LRP1B: variants seen among roughly 807,000 people sequenced by gnomAD.
LRP1B encodes low-density lipoprotein receptor-related protein 1B.
Under a neutral mutation model 556.6 loss-of-function variants are expected in LRP1B, and 217 were observed. That is an observed-to-expected ratio of 0.39 (90% CI 0.35 to 0.44). The LOEUF is 0.44. Among genes scored for constraint, LRP1B ranks in the 20% least tolerant of loss-of-function variants. The pLI, the probability that LRP1B is intolerant of heterozygous loss-of-function variation, is 1.00. For synonymous variants in LRP1B, 2,047 were observed against 1,865.8 expected, an observed-to-expected ratio of 1.10 and a Z score of -2.50; for missense variants, 5,053 against 5,620.8, an observed-to-expected ratio of 0.90 and a Z score of 3.23.
intron 2 of LRP1B, among the ~76,000 whole-genome samples, chr2:141,683,805 C>CCACAA (rs544187440): frequency 2.3e-4 from 35 of 152,168 alleles, no homozygotes; most frequent in Admixed American, 1.6e-3. Flanking sequence ...AGATGTGGTT[C>CCACAA]CACAACCTTT....
chr2:140,395,019 T>G (rs1200337751), intron 66 of LRP1B, among the ~76,000 whole-genome samples: 1 of 152,190 alleles, frequency 6.6e-6, no homozygotes, highest in Non-Finnish European at 1.5e-5. Context: ...ATCTACTCTA[T>G]CCACTCCTTG....
chr2:140,356,511 T>G lies in LRP1B; in HGVS notation c.11396-35A>C, dbSNP rs964507944. ...AAAAATATGATCAAAACTAATATAA[T>G]TCTAATTCCTGAAGTGGGGAGTTAA... is the stretch of plus-strand genomic sequence containing the variant. On this transcript the variant is annotated intron_variant, in intron 74 of 90. Coordinates refer to ENST00000389484, the MANE Select transcript of LRP1B (RefSeq NM_018557.3). 2.0e-6 allele frequency: 3 copies of G among 1,471,612 alleles called. No individual in the cohort carries two copies. In the Admixed American group the frequency reaches 5.9e-5, roughly 29 times the overall value. 91.2% of individuals were successfully genotyped at this position (1,471,612 alleles called of 1,614,324 possible). A position where few individuals can be genotyped will look rare whatever the true frequency, so the allele number is the denominator to read the frequency against.
At chr2:141,981,074 C>T (rs150901011) in intron 1 of LRP1B, among the ~76,000 whole-genome samples, 16 of 152,182 alleles carry the variant, frequency 1.1e-4, no homozygotes, top group Non-Finnish European at 1.3e-4. Flanking sequence ...TTAACAACTG[C>T]GTGACCTTAA....
At chr2:140,866,545 T>C (rs141064168) in intron 27 of LRP1B, among the ~76,000 whole-genome samples, 1 of 151,902 alleles carries the variant, frequency 6.6e-6, no homozygotes, top group African/African-American at 2.4e-5. Flanking sequence ...GTATAGAAAC[T>C]CCCATGTAGC....
chr2:141,566,751 C>T (rs1288614027), intron 2 of LRP1B, among the ~76,000 whole-genome samples: 2 of 152,164 alleles, frequency 1.3e-5, no homozygotes, highest in East Asian at 3.9e-4. Context: ...TCCAGTTACC[C>T]TGGAGGCTGA....
At chr2:140,487,519 T>A in intron 58 of LRP1B, 98 bp downstream of exon 58, 1 of 1,194,776 alleles carries the variant, frequency 8.4e-7, no homozygotes, top group Middle Eastern at 2.8e-4. Flanking sequence ...CCTAATGCAT[T>A]TTATGAGTAA....
At chr2:141,488,309 T>G (rs1683191489) in intron 2 of LRP1B, among the ~76,000 whole-genome samples, 1 of 152,166 alleles carries the variant, frequency 6.6e-6, no homozygotes, top group South Asian at 2.1e-4. Flanking sequence ...AAATTTGATA[T>G]GTAAAGCATA....
At chr2:140,798,334 CTT>C (rs1360014891) in intron 32 of LRP1B, among the ~76,000 whole-genome samples, 2 of 152,042 alleles carry the variant, frequency 1.3e-5, no homozygotes, top group African/African-American at 2.4e-5. Flanking sequence ...AATCCTGACT[CTT>C]GATTAAATTA....
At chr2:141,243,819 T>G (rs1238725402) in intron 5 of LRP1B, among the ~76,000 whole-genome samples, 2 of 152,158 alleles carry the variant, frequency 1.3e-5, no homozygotes, top group African/African-American at 4.8e-5. Context: ...TTGTCTGCAT[T>G]ACATGAATTA....
intron 1 of LRP1B, among the ~76,000 whole-genome samples, chr2:141,948,906 C>A (rs1317515775): frequency 6.6e-6 from 1 of 151,942 alleles, no homozygotes; most frequent in Non-Finnish European, 1.5e-5. Context: ...TTAAAAGATT[C>A]AATTTAATCT....
intron 1 of LRP1B, among the ~76,000 whole-genome samples, chr2:142,037,617 G>C (rs1482432032): frequency 6.6e-6 from 1 of 151,508 alleles, no homozygotes; most frequent in Non-Finnish European, 1.5e-5. Context: ...TCTGGTTCAG[G>C]GGAAATGTAC....
intron 41 of LRP1B, among the ~76,000 whole-genome samples, chr2:140,677,876 C>CAAAAAA (rs56656451): frequency 1.1e-4 from 8 of 75,258 alleles, no homozygotes; most frequent in Middle Eastern, 7.7e-3. Flanking sequence ...AACTATGTCT[C>CAAAAAA]AAAAAAAAAA....
chr2:140,612,899 G>C lies in LRP1B; in HGVS notation c.6800-11260C>G, dbSNP rs187958561. ...AGGAAGGAGCAGAAGCATGGACTAA[G>C]TTCATCTAGCACCACTTTTGCTTGG... On this transcript the variant is annotated intron_variant, in intron 41 of 90. Transcript: ENST00000389484. Among the ~76,000 whole-genome samples, 199 of 152,052 alleles carry C rather than the reference G, an allele frequency of 1.3e-3. 2 individuals carry two copies. Among genetic ancestry groups the C allele is most frequent in the African/African-American group, 4.3e-3 (177 of 41,496 alleles).
At chr2:140,690,072 C>T (rs894485033) in intron 41 of LRP1B, among the ~76,000 whole-genome samples, 10 of 152,086 alleles carry the variant, frequency 6.6e-5, no homozygotes, top group Admixed American at 5.9e-4. Flanking sequence ...AAAAGCTCAT[C>T]CATCTAAAGA....
chr2:140,893,171 GA>G (rs1559178932), intron 23 of LRP1B, among the ~76,000 whole-genome samples: 1 of 152,184 alleles, frequency 6.6e-6, no homozygotes, highest in Non-Finnish European at 1.5e-5. Context: ...AAAAGATAAA[GA>G]GAGGAAGAGA....
intron 3 of LRP1B, among the ~76,000 whole-genome samples, chr2:141,295,485 C>T (rs528714795): frequency 1.3e-5 from 2 of 152,102 alleles, no homozygotes; most frequent in East Asian, 1.9e-4. Flanking sequence ...TGTCAATGGT[C>T]TGAACTAATT....
At chr2:142,018,781 CT>C (rs894850353) in intron 1 of LRP1B, among the ~76,000 whole-genome samples, 1 of 150,550 alleles carries the variant, frequency 6.6e-6, no homozygotes, top group African/African-American at 2.5e-5. Flanking sequence ...CCAATCCTGA[CT>C]TACGCTTTTT....
chr2:141,397,215 A>G (rs2104917429), intron 3 of LRP1B, among the ~76,000 whole-genome samples: 1 of 151,234 alleles, frequency 6.6e-6, no homozygotes, highest in South Asian at 2.1e-4. Flanking sequence ...CATGACATAG[A>G]TATCCTTTAA....
chr2:141,842,672 T>A (rs1359553893), intron 1 of LRP1B, among the ~76,000 whole-genome samples: 1 of 152,058 alleles, frequency 6.6e-6, no homozygotes, highest in African/African-American at 2.4e-5. Context: ...ACACAGCAAA[T>A]CAATAATAAA....
Sources: gnomAD v4.1 joint callset for allele counts (sites outside exome capture counted in the v4.1 genomes callset) on GRCh38, gnomAD v4.1.1 for gene constraint, MANE v1.5 for transcripts, NCBI Gene and HGNC (gene_info 2026-07-23, HGNC 2026-07-21) for gene names.